The following SEZ6L variants were observed in gnomAD, a reference collection of about 807,000 sequenced individuals.
The protein encoded by SEZ6L is seizure 6-like protein.
Under a neutral mutation model 106.2 loss-of-function variants are expected in SEZ6L, and 37 were observed. The ratio of observed to expected loss-of-function variants is 0.35; its 90% CI spans 0.27 to 0.46. The LOEUF (loss-of-function observed/expected upper bound fraction) is 0.46, where lower values mean the gene tolerates loss of function less well. Among genes scored for constraint, SEZ6L ranks in the 20% least tolerant of loss-of-function variants. The probability of loss-of-function intolerance (pLI) is 1.00; values close to 1 mark genes in which losing one functional copy is unlikely to be tolerated. For synonymous variants in SEZ6L, 541 were observed against 570.4 expected (o/e 0.95, Z 0.73); for missense variants, 1,172 against 1,332.8 (o/e 0.88, Z 1.88).
intron 1 of SEZ6L, among the ~76,000 whole-genome samples, chr22:26,266,061 C>G (rs1361708133): frequency 1.3e-5 from 2 of 152,146 alleles, no homozygotes; most frequent in African/African-American, 4.8e-5. Flanking sequence ...TCAAGCTAGT[C>G]AAGGCCACCA....
intron 1 of SEZ6L, among the ~76,000 whole-genome samples, chr22:26,261,520 T>A (rs2080006261): frequency 6.6e-6 from 1 of 152,176 alleles, no homozygotes. Context: ...TTTGTTTGCT[T>A]CAACAAACCA....
At chr22:26,294,706 G>A (rs112402625) in intron 3 of SEZ6L, among the ~76,000 whole-genome samples, 1 of 133,844 alleles carries the variant, frequency 7.5e-6, no homozygotes, top group Non-Finnish European at 1.6e-5. Context: ...ATACACACAC[G>A]CATGCACGTG....
At chr22:26,312,282 G>A (rs756046318) in intron 8 of SEZ6L, among the ~76,000 whole-genome samples, 15 of 152,302 alleles carry the variant, frequency 9.8e-5, no homozygotes, top group Non-Finnish European at 2.1e-4. Flanking sequence ...CACAACCCAC[G>A]CAATAACCTC....
chr22:26,323,786 G>C (rs1052587638), intron 9 of SEZ6L, among the ~76,000 whole-genome samples: 7 of 152,026 alleles, frequency 4.6e-5, no homozygotes, highest in Admixed American at 4.6e-4. Context: ...TGATGATGAT[G>C]ATGATGATGA....
chr22:26,264,165 T>C (rs902815610), intron 1 of SEZ6L, among the ~76,000 whole-genome samples: 8 of 152,232 alleles, frequency 5.3e-5, no homozygotes, highest in Non-Finnish European at 1.2e-4. Flanking sequence ...TCATTCCAAT[T>C]CTGGAATCTT....
At chr22:26,273,593 G>A (rs541180865) in intron 1 of SEZ6L, among the ~76,000 whole-genome samples, 2 of 152,366 alleles carry the variant, frequency 1.3e-5, no homozygotes, top group Admixed American at 1.3e-4. Context: ...AAAGAATGGA[G>A]GAGCCTGGGG....
chr22:26,315,483 A>T lies in SEZ6L; in HGVS notation c.2015+1581A>T, dbSNP rs535716801. On this transcript the variant is annotated intron_variant, in intron 9 of 16. Transcript: ENST00000248933. ...GACAGAGTAAGACCTTGTCTCAAAAAAAAAAGAAGTGTCCCCAGAGGCTGT... is the reference window on the plus strand; with the variant it reads ...GACAGAGTAAGACCTTGTCTCAAAATAAAAAGAAGTGTCCCCAGAGGCTGT... 2.3e-3 allele frequency among the ~76,000 whole-genome samples: 353 copies of T among 152,160 alleles called. 1 individual carries two copies. The highest frequency in any genetic ancestry group is 4.2e-3 in the Non-Finnish European group (284 of 67,990).
intron 1 of SEZ6L, among the ~76,000 whole-genome samples, chr22:26,234,434 G>A (rs1377694806): frequency 1.3e-5 from 2 of 152,232 alleles, no homozygotes; most frequent in Non-Finnish European, 2.9e-5. Flanking sequence ...AAAATAGAGT[G>A]GGTCGGAATT....
Position 26,292,796 on chromosome 22 carries a change from A to G in SEZ6L, c.485A>G (p.Glu162Gly). Residue 162 changes from glutamate (E) to glycine (G), a missense_variant, in exon 2 of 17, where the codon GAG becomes GGG. Around this residue, in one of 4 missense-constraint regions of SEZ6L, gnomAD observed 494 missense variants for 445.8 expected, o/e 1.11. Coordinates refer to ENST00000248933, the MANE Select transcript of SEZ6L (RefSeq NM_021115.5). ...CTAGATCTCCTCTCCTCCTCCACGG[A>G]GAAGCCTGGCCCACCGGGGGACCCG... The part of the protein sequence containing the change: ...QGLDLLSSST[E>G]KPGPPGDPDP... 1 of 1,614,054 alleles carries G rather than the reference A, an allele frequency of 6.2e-7. No individual in the cohort carries two copies. The highest frequency in any genetic ancestry group is 1.1e-5 in the South Asian group (1 of 91,070).
At chr22:26,353,654 G>A (rs1425151947) in intron 12 of SEZ6L, among the ~76,000 whole-genome samples, 5 of 152,170 alleles carry the variant, frequency 3.3e-5, no homozygotes, top group African/African-American at 1.2e-4. Context: ...ATCTGTAACT[G>A]CGACCTTGAT....
Position 26,205,504 on chromosome 22 carries a change from A to G in SEZ6L, c.94+35741A>G, listed in dbSNP as rs576151833. 2.6e-5 allele frequency among the ~76,000 whole-genome samples: 4 copies of G among 152,294 alleles called. No homozygotes were observed. The East Asian group carries it at 5.8e-4, about 22-fold the overall frequency. ...CAGTTTTGCAAAGCTTTCTAACTAC[A>G]CCATGCCTGTAACTCTTTTATCCCT... On this transcript the variant is annotated intron_variant, in intron 1 of 16. Coordinates refer to ENST00000248933, the MANE Select transcript of SEZ6L (RefSeq NM_021115.5).
chr22:26,214,797 T>C (rs980366124), intron 1 of SEZ6L, among the ~76,000 whole-genome samples: 1 of 152,078 alleles, frequency 6.6e-6, no homozygotes, highest in Non-Finnish European at 1.5e-5. Flanking sequence ...CACAGAATTA[T>C]GACTTGGGGA....
At chr22:26,201,398 A>AG (rs1039678229) in intron 1 of SEZ6L, among the ~76,000 whole-genome samples, 34 of 149,068 alleles carry the variant, frequency 2.3e-4, no homozygotes, top group Non-Finnish European at 4.2e-4. Context: ...AAAAAAAAAA[A>AG]AAAAAAGAGG....
chr22:26,238,142 C>A (rs1163143264), intron 1 of SEZ6L, among the ~76,000 whole-genome samples: 1 of 152,160 alleles, frequency 6.6e-6, no homozygotes, highest in East Asian at 1.9e-4. Context: ...ATTAAAGGGG[C>A]AGGGCATTGG....
chr22:26,375,770 C>CTCCAGGTGGAGACCCTGAGG, intron 15 of SEZ6L, 81 bp downstream of exon 15: 1 of 1,010,548 alleles, frequency 9.9e-7, no homozygotes, highest in Non-Finnish European at 1.5e-6. Context: ...CCTCTCTGAG[C>CTCCAGGTGGAGACCCTGAGG]CTCAGGGTCT....
At chr22:26,327,387 C>CA (rs2082344979) in intron 9 of SEZ6L, among the ~76,000 whole-genome samples, 1 of 144,546 alleles carries the variant, frequency 6.9e-6, no homozygotes. Flanking sequence ...ACTACACACA[C>CA]CATACACACA....
At chr22:26,313,347 C>T (rs962546148) in intron 8 of SEZ6L, among the ~76,000 whole-genome samples, 4 of 152,152 alleles carry the variant, frequency 2.6e-5, no homozygotes, top group Non-Finnish European at 5.9e-5. Flanking sequence ...CCTCCTCCTA[C>T]AGCCTGTTAG....
At chr22:26,207,450 A>T (rs1273166420) in intron 1 of SEZ6L, among the ~76,000 whole-genome samples, 2 of 152,230 alleles carry the variant, frequency 1.3e-5, no homozygotes, top group South Asian at 2.1e-4. Flanking sequence ...GATCAGATGA[A>T]ATAATTCACG....
At chr22:26,273,255 T>G (rs1389624765) in intron 1 of SEZ6L, among the ~76,000 whole-genome samples, 1 of 152,250 alleles carries the variant, frequency 6.6e-6, no homozygotes, top group Non-Finnish European at 1.5e-5. Flanking sequence ...GACAATGGCC[T>G]AGTGCCACCG....
Sources: allele counts gnomAD v4.1 joint callset (sites outside exome capture counted in the v4.1 genomes callset), GRCh38; gene constraint gnomAD v4.1.1; regional missense constraint gnomAD v4.1.1; transcripts MANE v1.5; gene names NCBI Gene and HGNC (gene_info 2026-07-23, HGNC 2026-07-21).